The following ROBO2 variants were observed in gnomAD, a reference collection of about 807,000 sequenced individuals.
The protein encoded by ROBO2 is roundabout guidance receptor 2.
In ROBO2, 53 loss-of-function variants were observed where a neutral mutation model predicts 160.8. That is an observed-to-expected ratio of 0.33 (90% confidence interval 0.26 to 0.41). The LOEUF is 0.41. ROBO2 is among the 10% of genes least tolerant of loss of function. The pLI is 1.00. For synonymous variants in ROBO2, 664 were observed against 611.7 expected, an observed-to-expected ratio of 1.09 and a Z score of -1.26; for missense variants, 1,577 against 1,722.4, an observed-to-expected ratio of 0.92 and a Z score of 1.49.
At chr3:77,203,360 A>C (rs934688249) in intron 2 of ROBO2, among the ~76,000 whole-genome samples, 5 of 152,156 alleles carry the variant, frequency 3.3e-5, no homozygotes, top group Non-Finnish European at 7.3e-5. Flanking sequence ...GGGTACTGTT[A>C]CGGCATATTG....
At chr3:76,862,653 G>A (rs947651947) in intron 2 of ROBO2, among the ~76,000 whole-genome samples, 4 of 151,990 alleles carry the variant, frequency 2.6e-5, no homozygotes, top group African/African-American at 9.7e-5. Flanking sequence ...GTATAGGAGG[G>A]CACTTCTCAA....
At chr3:76,581,732 A>C (rs927036891) in intron 2 of ROBO2, among the ~76,000 whole-genome samples, 2 of 152,196 alleles carry the variant, frequency 1.3e-5, no homozygotes, top group Admixed American at 1.3e-4. Context: ...AAATTTAAGG[A>C]GTTTAATCTT....
At chr3:77,321,910 G>A (rs1480232367) in intron 2 of ROBO2, among the ~76,000 whole-genome samples, 1 of 152,140 alleles carries the variant, frequency 6.6e-6, no homozygotes, top group Non-Finnish European at 1.5e-5. Context: ...GAAGATAAGT[G>A]TAAATGATCA....
chr3:77,467,587 GTATCTATCTATCTATCTATC>G (rs59640984), intron 2 of ROBO2, among the ~76,000 whole-genome samples: 7 of 148,136 alleles, frequency 4.7e-5, no homozygotes, highest in African/African-American at 1.5e-4. Flanking sequence ...CTATCTGTCT[GTATCTATCTATCTATCTATC>G]TATCTATCTA....
intron 2 of ROBO2, among the ~76,000 whole-genome samples, chr3:77,186,534 C>A (rs1022160814): frequency 6.6e-6 from 1 of 151,754 alleles, no homozygotes; most frequent in Non-Finnish European, 1.5e-5. Context: ...GTACTTTAGT[C>A]AAATGCAAAA....
intron 2 of ROBO2, among the ~76,000 whole-genome samples, chr3:76,008,452 T>C (rs1224828084): frequency 2.3e-4 from 35 of 152,062 alleles, no homozygotes. Context: ...GCCACCTCAT[T>C]ACAGTAACTA....
intron 5 of ROBO2, among the ~76,000 whole-genome samples, chr3:77,508,128 A>G (rs1051112874): frequency 6.6e-6 from 1 of 151,792 alleles, no homozygotes; most frequent in Admixed American, 6.6e-5. Context: ...TTCACAAAGC[A>G]CATATGTATC....
At chr3:76,582,353 G>A (rs1205342684) in intron 2 of ROBO2, among the ~76,000 whole-genome samples, 8 of 151,998 alleles carry the variant, frequency 5.3e-5, no homozygotes, top group Admixed American at 3.9e-4. Context: ...TGTATATTCA[G>A]GAATAGAAAA....
chr3:76,076,069 A>C (rs987566335), intron 2 of ROBO2, among the ~76,000 whole-genome samples: 1 of 152,204 alleles, frequency 6.6e-6, no homozygotes, highest in African/African-American at 2.4e-5. Context: ...TCACATGTAC[A>C]TTTGACCAAT....
At chr3:76,600,640 C>T (rs1216789082) in intron 2 of ROBO2, among the ~76,000 whole-genome samples, 1 of 152,074 alleles carries the variant, frequency 6.6e-6, no homozygotes, top group Non-Finnish European at 1.5e-5. Context: ...CAGGAAAGGC[C>T]CACCCCCAAA....
intron 2 of ROBO2, among the ~76,000 whole-genome samples, chr3:77,264,404 TGC>T (rs2058988777): frequency 6.6e-6 from 1 of 152,208 alleles, no homozygotes; most frequent in South Asian, 2.1e-4. Context: ...TTTGTGCGAT[TGC>T]CATTTCACAT....
At chr3:76,903,703 G>A (rs2075389361) in intron 2 of ROBO2, among the ~76,000 whole-genome samples, 1 of 152,042 alleles carries the variant, frequency 6.6e-6, no homozygotes, top group Non-Finnish European at 1.5e-5. Context: ...AGGGAACCAG[G>A]GAAATCAAAT....
intron 2 of ROBO2, among the ~76,000 whole-genome samples, chr3:77,416,787 T>C (rs944439265): frequency 1.3e-5 from 2 of 151,340 alleles, no homozygotes; most frequent in Non-Finnish European, 2.9e-5. Flanking sequence ...GCAATAAATG[T>C]TGAAAGGAGG....
chr3:76,468,676 C>T (rs1016645934), intron 2 of ROBO2, among the ~76,000 whole-genome samples: 2 of 151,788 alleles, frequency 1.3e-5, no homozygotes, highest in Non-Finnish European at 2.9e-5. Context: ...AGATAACACC[C>T]TCCTCCCTGA....
intron 2 of ROBO2, among the ~76,000 whole-genome samples, chr3:77,421,555 C>T (rs943008154): frequency 2.0e-5 from 3 of 152,064 alleles, no homozygotes; most frequent in Non-Finnish European, 4.4e-5. Context: ...AGCCCACAAA[C>T]TTTTGTTGAA....
At chr3:76,162,484 T>C (rs906525482) in intron 2 of ROBO2, among the ~76,000 whole-genome samples, 19 of 152,094 alleles carry the variant, frequency 1.2e-4, no homozygotes, top group African/African-American at 4.6e-4. Flanking sequence ...TTTTTGTTTG[T>C]TTGTTTTCTG....
chr3:77,597,636 G>C (rs1417575018), intron 19 of ROBO2, among the ~76,000 whole-genome samples: 1 of 152,020 alleles, frequency 6.6e-6, no homozygotes, highest in Non-Finnish European at 1.5e-5. Flanking sequence ...CTACCAATTG[G>C]GAGTAAGAAA....
chr3:76,560,021 T>C (rs925778558), intron 2 of ROBO2, among the ~76,000 whole-genome samples: 3 of 152,122 alleles, frequency 2.0e-5, no homozygotes, highest in Non-Finnish European at 2.9e-5. Context: ...ATAGTTTTGA[T>C]TGCTTTCTTT....
At chr3:77,010,539 C>A (rs1408059168) in intron 2 of ROBO2, among the ~76,000 whole-genome samples, 1 of 152,132 alleles carries the variant, frequency 6.6e-6, no homozygotes, top group Middle Eastern at 3.2e-3. Flanking sequence ...TCAGACGCTC[C>A]CAAATTATGG....
Sources: allele counts gnomAD v4.1 joint callset (sites outside exome capture counted in the v4.1 genomes callset), GRCh38; gene constraint gnomAD v4.1.1; transcripts MANE v1.5; gene names NCBI Gene and HGNC (gene_info 2026-07-23, HGNC 2026-07-21).